ATP9B: variants seen among roughly 807,000 people sequenced by gnomAD.
ATP9B encodes ATPase phospholipid transporting 9B, also known as probable phospholipid-transporting ATPase IIB.
A neutral mutation model predicts 146.1 loss-of-function variants in ATP9B; 110 were observed. That is an observed-to-expected ratio of 0.75 (90% confidence interval 0.65 to 0.88). ATP9B has a LOEUF of 0.88. ATP9B is among the 40% of genes least tolerant of loss of function. The probability of loss-of-function intolerance (pLI) is 0.00; values close to 1 mark genes in which losing one functional copy is unlikely to be tolerated. For missense variants in ATP9B, 1,499 were observed against 1,496.4 expected, an observed-to-expected ratio of 1.00 and a Z score of -0.03; for synonymous variants, 604 against 569.7, an observed-to-expected ratio of 1.06 and a Z score of -0.86.
intron 11 of ATP9B, among the ~76,000 whole-genome samples, chr18:79,236,258 T>C (rs897756541): frequency 6.6e-6 from 1 of 152,218 alleles, no homozygotes; most frequent in African/African-American, 2.4e-5. Context: ...GGTTTGTTCC[T>C]GTGTTTATCG....
intron 23 of ATP9B, among the ~76,000 whole-genome samples, 174 bp from the exon 24 acceptor site, chr18:79,347,596 C>T (rs185466312): frequency 0.014 from 2,200 of 152,348 alleles, 58 homozygotes; most frequent in African/African-American, 0.051. Flanking sequence ...GCTCTTCCTG[C>T]CCCTGTGTCT....
intron 1 of ATP9B, among the ~76,000 whole-genome samples, chr18:79,091,179 C>T (rs2074289129): frequency 6.6e-6 from 1 of 152,326 alleles, no homozygotes; most frequent in Non-Finnish European, 1.5e-5. Context: ...GTTTTGGTTA[C>T]TATAGCTCTG....
chr18:79,224,414 G>C (rs2095709613), intron 11 of ATP9B, among the ~76,000 whole-genome samples: 1 of 152,182 alleles, frequency 6.6e-6, no homozygotes, highest in African/African-American at 2.4e-5. Context: ...AAAGCAAGTG[G>C]GCATGTGGAT....
At chr18:79,118,058 A>C (rs935587065) in intron 4 of ATP9B, 1 of 152,154 alleles carries the variant, frequency 6.6e-6, no homozygotes, top group Non-Finnish European at 1.5e-5. Flanking sequence ...CACTTCACTA[A>C]AGTGTTTCAT....
Position 79,096,677 on chromosome 18 carries a change from C to T in ATP9B, c.293+28C>T, listed in dbSNP as rs779633416. ...TTGTTATCCATTGCTACCTAATTTC[C>T]TTATATGCTAAGGTTACTTATAAGG... is the stretch of plus-strand genomic sequence containing the variant. On this transcript the variant is annotated intron_variant, in intron 2 of 29. Coordinates refer to ENST00000426216, the MANE Select transcript of ATP9B (RefSeq NM_198531.5). 4 of 1,573,526 alleles carry T rather than the reference C, an allele frequency of 2.5e-6. No homozygotes were observed. In the Admixed American group the frequency reaches 5.3e-5, roughly 21 times the overall value.
chr18:79,247,892 A>G (rs1156248339), intron 11 of ATP9B, among the ~76,000 whole-genome samples: 1 of 152,244 alleles, frequency 6.6e-6, no homozygotes, highest in Non-Finnish European at 1.5e-5. Context: ...GTAGGCAAAC[A>G]TGTAGGTTAT....
At chr18:79,143,674 A>C in intron 5 of ATP9B, 128 bp from the exon 6 acceptor site, 1 of 529,308 alleles carries the variant, frequency 1.9e-6, no homozygotes. Context: ...CTGAAAGTAC[A>C]AGTATAGGGA....
intron 8 of ATP9B, among the ~76,000 whole-genome samples, chr18:79,177,260 G>A (rs974743381): frequency 6.6e-6 from 1 of 152,002 alleles, no homozygotes; most frequent in Middle Eastern, 3.4e-3. Flanking sequence ...TTAAGTGATA[G>A]GTTGTCACTC....
intron 4 of ATP9B, among the ~76,000 whole-genome samples, chr18:79,124,447 G>T (rs1162087857): frequency 6.6e-6 from 1 of 152,256 alleles, no homozygotes; most frequent in Admixed American, 6.5e-5. Context: ...GGAAACCATG[G>T]CAAATACATG....
At chr18:79,166,419 C>A (rs145645760) in intron 7 of ATP9B, among the ~76,000 whole-genome samples, 4 of 152,288 alleles carry the variant, frequency 2.6e-5, no homozygotes, top group Middle Eastern at 3.4e-3. Flanking sequence ...AAGGGGCTTA[C>A]CTACAACCTC....
At chr18:79,300,518 G>A (rs2096583604) in intron 13 of ATP9B, among the ~76,000 whole-genome samples, 1 of 152,206 alleles carries the variant, frequency 6.6e-6, no homozygotes, top group African/African-American at 2.4e-5. Context: ...GAGAGGCGAG[G>A]CTGGGCTGTG....
chr18:79,329,289 G>T lies in ATP9B; in HGVS notation c.1922G>T (p.Gly641Val), dbSNP rs1485008746. The part of the protein sequence containing the change: ...FPFTSESKRM[G>V]VIVRDESTAE... ...TTCACCTCCGAGAGCAAGCGGATGG[G>T]CGTCATCGTCAGGGTGAGGCTGCGG... The change falls in exon 16 of 30, where the codon GGC (glycine) becomes GTC (valine). Residue 641 changes from glycine (G) to valine (V), a missense_variant. Gly to Val is a moderately radical substitution (Grantham distance 109). Coordinates refer to ENST00000426216, the MANE Select transcript of ATP9B (RefSeq NM_198531.5). 6.2e-7 allele frequency: 1 copy of T among 1,607,364 alleles called. No homozygotes were observed.
chr18:79,356,086 G>A (rs551204709), intron 25 of ATP9B, among the ~76,000 whole-genome samples: 19 of 152,332 alleles, frequency 1.2e-4, no homozygotes, highest in African/African-American at 3.8e-4. Context: ...GACAGAAGGC[G>A]CAGAGACGGC....
chr18:79,219,147 C>T (rs542221050), intron 11 of ATP9B, among the ~76,000 whole-genome samples: 38 of 152,130 alleles, frequency 2.5e-4, no homozygotes, highest in Non-Finnish European at 8.8e-5. Context: ...ATTTTAGCAA[C>T]GAGGAAATCT....
Position 79,344,327 on chromosome 18 carries a change from A to C in ATP9B, c.2445A>C (p.Ala815=). The change falls in exon 21 of 30, where the codon GCA becomes GCC. Residue 815 remains alanine (A), a synonymous_variant. Transcript: ENST00000426216. The stretch of plus-strand genomic sequence containing the variant: ...CATTTCGAAGGAAGCATGATTGTGC[A>C]CTAGTCATATCTGGGGACTCTCTGG... ...LNAFRRKHDC[A]LVISGDSLEV... is the part of the protein sequence containing the mutation. 6.2e-7 allele frequency: 1 copy of C among 1,614,222 alleles called. No individual in the cohort carries two copies. Among genetic ancestry groups the C allele is most frequent in the East Asian group, 2.2e-5 (1 of 44,886 alleles).
chr18:79,241,483 C>T (rs1305771991), intron 11 of ATP9B, among the ~76,000 whole-genome samples: 1 of 152,152 alleles, frequency 6.6e-6, no homozygotes, highest in Admixed American at 6.6e-5. Context: ...TTCTGGCCTC[C>T]GTCGTCAGCC....
intron 15 of ATP9B, among the ~76,000 whole-genome samples, chr18:79,318,449 A>G (rs1027620648): frequency 3.3e-5 from 5 of 152,250 alleles, no homozygotes; most frequent in African/African-American, 4.8e-5. Context: ...GATACTTAAC[A>G]AAATACCCGA....
At chr18:79,083,016 C>T (rs2073427572) in intron 1 of ATP9B, among the ~76,000 whole-genome samples, 1 of 152,224 alleles carries the variant, frequency 6.6e-6, no homozygotes, top group South Asian at 2.1e-4. Flanking sequence ...ACCTACCCTT[C>T]CCCCAGGTGC....
chr18:79,234,413 C>T (rs1474209437), intron 11 of ATP9B, among the ~76,000 whole-genome samples: 3 of 152,206 alleles, frequency 2.0e-5, no homozygotes, highest in South Asian at 2.1e-4. Flanking sequence ...CATTTACACC[C>T]GTGCAGGTGC....
Sources: gnomAD v4.1 joint callset for allele counts (sites outside exome capture counted in the v4.1 genomes callset) on GRCh38, gnomAD v4.1.1 for gene constraint, MANE v1.5 for transcripts, NCBI Gene and HGNC (gene_info 2026-07-23, HGNC 2026-07-21) for gene names.